Variants in ATXN10 observed in about 807,000 individuals in gnomAD.
The protein encoded by ATXN10 is ataxin-10.
In ATXN10, 28 loss-of-function variants were observed where a neutral mutation model predicts 52.9. That is an observed-to-expected ratio of 0.53 (90% CI 0.39 to 0.73). The LOEUF is 0.73. Ranked by LOEUF, ATXN10 falls within the 30% of genes least tolerant of loss-of-function variation. The pLI, the probability that ATXN10 is intolerant of heterozygous loss-of-function variation, is 0.00. For missense variants in ATXN10, 565 were observed against 577.0 expected (o/e 0.98, Z 0.21); for synonymous variants, 226 against 221.5 (o/e 1.02, Z -0.18).
At position 45,795,538 on chromosome 22, in the gene ATXN10, G is replaced by A. The variant is rs1055767962; in HGVS notation, c.1174-11421G>A. Reference sequence around the variant, plus strand: ...CAATTCTCCTGCCTCAGCCTCCCAAGTAGCTGAGATTACAGGTTCACCACC... The same window carrying A: ...CAATTCTCCTGCCTCAGCCTCCCAAATAGCTGAGATTACAGGTTCACCACC... On this transcript the variant is annotated intron_variant, in intron 9 of 11. Coordinates refer to ENST00000252934, the MANE Select transcript of ATXN10 (RefSeq NM_013236.4). This position sits in a 1 kb window ranked among gnomAD's most constrained non-coding sequence, Gnocchi z 4.6. Among the ~76,000 whole-genome samples, 4 of 152,084 alleles carry A rather than the reference G, an allele frequency of 2.6e-5. No homozygotes were observed. The highest frequency in any genetic ancestry group is 6.6e-5 in the Admixed American group (1 of 15,262).
chr22:45,725,965 G>A (rs969084154), intron 6 of ATXN10, among the ~76,000 whole-genome samples: 4 of 151,918 alleles, frequency 2.6e-5, no homozygotes, highest in African/African-American at 9.7e-5. Context: ...CATTTACTTG[G>A]GTATGTTGAA....
intron 9 of ATXN10, among the ~76,000 whole-genome samples, chr22:45,782,866 T>C (rs1927197637): frequency 6.6e-6 from 1 of 152,228 alleles, no homozygotes; most frequent in African/African-American, 2.4e-5. Context: ...CCTATGTATG[T>C]GAGGTTTTGT....
At position 45,823,172 on chromosome 22, in the gene ATXN10, G is replaced by A. The variant is rs1157425536; in HGVS notation, c.1237+16150G>A. Reference sequence around the variant, plus strand: ...ACAGAACATGCCCATCTCCCTAGGCGGCTTCTTGAGTGTCCCGTCTCCCTC... The same window carrying A: ...ACAGAACATGCCCATCTCCCTAGGCAGCTTCTTGAGTGTCCCGTCTCCCTC... On this transcript the variant is annotated intron_variant, in intron 10 of 11. Coordinates refer to ENST00000252934, the MANE Select transcript of ATXN10 (RefSeq NM_013236.4). This position sits in a 1 kb window ranked among gnomAD's most constrained non-coding sequence, Gnocchi z 4.9. The A allele has an allele frequency of 2.1e-6, 1 of 471,632 alleles. No individual in the cohort carries two copies. Among genetic ancestry groups the A allele is most frequent in the Non-Finnish European group, 4.4e-6 (1 of 227,202 alleles). The allele number at this position is 471,632 out of a possible 1,614,324, so 29.2% of individuals were successfully genotyped here. A position where few individuals can be genotyped will look rare whatever the true frequency, so the allele number is the denominator to read the frequency against.
chr22:45,737,258 G>A (rs1885923908), intron 7 of ATXN10, among the ~76,000 whole-genome samples: 1 of 152,222 alleles, frequency 6.6e-6, no homozygotes. Flanking sequence ...GACCCTAGTA[G>A]CCTGTAATAG....
At chr22:45,817,411 G>A (rs958951477) in intron 10 of ATXN10, among the ~76,000 whole-genome samples, 1 of 143,504 alleles carries the variant, frequency 7.0e-6, no homozygotes, top group Non-Finnish European at 1.5e-5. Flanking sequence ...TGCAACCTGC[G>A]CCTCCTGAGT....
In ATXN10 at chr22:45,738,851, A is replaced by T; in HGVS notation, c.1003+12A>T. On this transcript the variant is annotated intron_variant, in intron 8 of 11. Transcript: ENST00000252934. ...GGAAAGAGTGATTGGTGAGTGAAAT[A>T]TCACACATTGTATTTTTAGCTAAGA... is the stretch of plus-strand genomic sequence containing the variant. The T allele has an allele frequency of 6.3e-7, 1 of 1,594,502 alleles. No individual in the cohort carries two copies. Among genetic ancestry groups the T allele is most frequent in the South Asian group, 1.1e-5 (1 of 90,634 alleles).
chr22:45,783,608 T>G lies in ATXN10; in HGVS notation c.1174-23351T>G, dbSNP rs1016383390. On this transcript the variant is annotated intron_variant, in intron 9 of 11. Coordinates refer to ENST00000252934, the MANE Select transcript of ATXN10 (RefSeq NM_013236.4). This position sits in a 1 kb window ranked among gnomAD's most constrained non-coding sequence, Gnocchi z 5.0. The stretch of plus-strand genomic sequence containing the variant: ...AGTGCTGGATGTGAATGGTGCTTTT[T>G]GCTTGTCTGTGGGGCCTTCTCTCTC... Among the ~76,000 whole-genome samples, 1 of 152,214 alleles carries G rather than the reference T, an allele frequency of 6.6e-6. No homozygotes were observed. The highest frequency in any genetic ancestry group is 6.5e-5 in the Admixed American group (1 of 15,284).
intron 10 of ATXN10, among the ~76,000 whole-genome samples, chr22:45,809,469 G>A (rs892025476): frequency 3.3e-5 from 5 of 152,064 alleles, no homozygotes; most frequent in African/African-American, 1.2e-4. Flanking sequence ...ATTTCTTCTA[G>A]TAGGTACTTT....
At chr22:45,765,166 C>T (rs1313009801) in intron 9 of ATXN10, among the ~76,000 whole-genome samples, 1 of 152,036 alleles carries the variant, frequency 6.6e-6, no homozygotes, top group Admixed American at 6.6e-5. Flanking sequence ...CCTCTCATCG[C>T]GGGGCCAGTC....
chr22:45,740,286 A>G, intron 8 of ATXN10, 83 bp from the exon 9 acceptor site: 1 of 1,335,920 alleles, frequency 7.5e-7, no homozygotes, highest in South Asian at 1.2e-5. Context: ...ACAATAAATT[A>G]GATTTGTCTA....
At chr22:45,704,680 C>T (rs543731219) in intron 5 of ATXN10, among the ~76,000 whole-genome samples, 5 of 152,070 alleles carry the variant, frequency 3.3e-5, no homozygotes, top group African/African-American at 7.2e-5. Flanking sequence ...TTTTTGTGTA[C>T]GTGATTCTTA....
At chr22:45,698,410 T>C (rs1923706449) in intron 3 of ATXN10, among the ~76,000 whole-genome samples, 1 of 152,230 alleles carries the variant, frequency 6.6e-6, no homozygotes, top group African/African-American at 2.4e-5. Flanking sequence ...TTGTAAATCT[T>C]CTTTGGAGAA....
At chr22:45,794,990 A>C (rs1927657877) in intron 9 of ATXN10, among the ~76,000 whole-genome samples, 1 of 152,224 alleles carries the variant, frequency 6.6e-6, no homozygotes. Flanking sequence ...TTTAATGTGT[A>C]TATAGAAGAA....
At position 45,701,581 on chromosome 22, in the gene ATXN10, A is replaced by G. The variant is rs997839796; in HGVS notation, c.489-1108A>G. ...TTAGGTGGAAGAAGAGAATTACGAAATTCAAGCTACAGAAATAGGCATTGC... is the reference window on the plus strand; with the variant it reads ...TTAGGTGGAAGAAGAGAATTACGAAGTTCAAGCTACAGAAATAGGCATTGC... On this transcript the variant is annotated intron_variant, in intron 4 of 11. Coordinates refer to ENST00000252934, the MANE Select transcript of ATXN10 (RefSeq NM_013236.4). This position sits in a 1 kb window ranked among gnomAD's most constrained non-coding sequence, Gnocchi z 4.2. Among the ~76,000 whole-genome samples, 1 of 152,262 alleles carries G rather than the reference A, an allele frequency of 6.6e-6. No individual in the cohort carries two copies. The highest frequency in any genetic ancestry group is 1.5e-5 in the Non-Finnish European group (1 of 68,048).
rs193045014 is a variant in ATXN10 at position 45,784,513 on chromosome 22, T to A, written c.1174-22446T>A. On this transcript the variant is annotated intron_variant, in intron 9 of 11. Transcript: ENST00000252934. The surrounding 1 kb of genome is among the most constrained non-coding windows in gnomAD (Gnocchi z 4.2). The stretch of plus-strand genomic sequence containing the variant: ...CGAGTGTCACATTGCACAGTCTGCC[T>A]CAGGTAACAGTGGGGCTTCCACATG... Among the ~76,000 whole-genome samples the A allele has an allele frequency of 1.3e-5, 2 of 152,280 alleles. No individual in the cohort carries two copies. Among genetic ancestry groups the A allele is most frequent in the East Asian group, 3.9e-4 (2 of 5,172 alleles).
intron 6 of ATXN10, among the ~76,000 whole-genome samples, chr22:45,725,401 A>ATT (rs60263048): frequency 1.9e-4 from 22 of 116,192 alleles, no homozygotes; most frequent in South Asian, 8.3e-4. Flanking sequence ...CAGGCATTTG[A>ATT]TTTTTTTTTT....
intron 9 of ATXN10, among the ~76,000 whole-genome samples, chr22:45,779,325 A>C (rs1927066598): frequency 6.6e-6 from 1 of 152,190 alleles, no homozygotes; most frequent in Non-Finnish European, 1.5e-5. Context: ...TGGAAGTATG[A>C]TTTTTGTTGG....
chr22:45,672,037 A>G lies in ATXN10; in HGVS notation c.-27A>G, dbSNP rs1922463410. 5 of 1,531,250 alleles carry G rather than the reference A, an allele frequency of 3.3e-6. No individual in the cohort carries two copies. Among genetic ancestry groups the G allele is most frequent in the Non-Finnish European group, 4.4e-6 (5 of 1,142,700 alleles). The allele number at this position is 1,531,250 out of a possible 1,614,324, so 94.9% of individuals were successfully genotyped here. Reference sequence around the variant, plus strand: ...CCTCCTCGCCTTCCTCCTCCTCGTCAGGCTCGACCCAGCTGTGAGCGGCAA... The same window carrying G: ...CCTCCTCGCCTTCCTCCTCCTCGTCGGGCTCGACCCAGCTGTGAGCGGCAA... On this transcript the variant is annotated 5_prime_UTR_variant, in exon 1 of 12. Coordinates refer to ENST00000252934, the MANE Select transcript of ATXN10 (RefSeq NM_013236.4).
chr22:45,809,131 T>C (rs140604353), intron 10 of ATXN10, among the ~76,000 whole-genome samples: 2 of 151,304 alleles, frequency 1.3e-5, no homozygotes, highest in South Asian at 4.1e-4. Flanking sequence ...ATTCAGTTTT[T>C]AGATCTGAGC....
Sources: gnomAD v4.1 joint callset for allele counts (sites outside exome capture counted in the v4.1 genomes callset) on GRCh38, gnomAD v4.1.1 for gene constraint, Gnocchi (gnomAD v3.1) non-coding constraint, MANE v1.5 for transcripts, NCBI Gene and HGNC (gene_info 2026-07-23, HGNC 2026-07-21) for gene names.